AR: variants seen among roughly 807,000 people sequenced by gnomAD.
AR encodes the protein androgen receptor.
AR carries 8 observed loss-of-function variants against 53.9 expected under a neutral mutation model. That is an observed-to-expected ratio of 0.15 (90% CI 0.09 to 0.27). The LOEUF (loss-of-function observed/expected upper bound fraction) is 0.27, where lower values mean the gene tolerates loss of function less well. Among genes scored for constraint, AR ranks in the 10% least tolerant of loss-of-function variants. The probability of loss-of-function intolerance (pLI) is 1.00; values close to 1 mark genes in which losing one functional copy is unlikely to be tolerated. For synonymous variants in AR, 359 were observed against 316.4 expected, an observed-to-expected ratio of 1.13 and a Z score of -1.43; for missense variants, 639 against 742.5, an observed-to-expected ratio of 0.86 and a Z score of 1.62.
At chrX:67,637,655 C>A (rs1487860425) in intron 1 of AR, among the ~76,000 whole-genome samples, 1 of 110,076 alleles carries the variant, frequency 9.1e-6, no homozygotes, top group Non-Finnish European at 1.9e-5. Context: ...CATGACAACA[C>A]CATATTGTTA....
At chrX:67,606,640 A>G (rs1923637503) in intron 1 of AR, among the ~76,000 whole-genome samples, 1 of 112,615 alleles carries the variant, frequency 8.9e-6, no homozygotes, top group Admixed American at 9.4e-5. Context: ...TTCACCAAGT[A>G]CTTCTTACGT....
chrX:67,632,044 C>A (rs1975063849), intron 1 of AR, among the ~76,000 whole-genome samples: 1 of 112,772 alleles, frequency 8.9e-6, no homozygotes, highest in South Asian at 3.6e-4. Flanking sequence ...CTCTTCAAAG[C>A]TGTCCAACAG....
At position 67,727,090 on chromosome X, in the gene AR, C is replaced by G. The variant is rs1216582933; in HGVS notation, c.*3249C>G. 1 of 172,421 alleles carries G rather than the reference C, an allele frequency of 5.8e-6. No homozygotes were observed. Among genetic ancestry groups the G allele is most frequent in the Non-Finnish European group, 1.1e-5 (1 of 89,938 alleles). The allele number at this position is 172,421 out of a possible 1,213,427, so 14.2% of individuals were successfully genotyped here. A position where few individuals can be genotyped will look rare whatever the true frequency, so the allele number is the denominator to read the frequency against. On this transcript the variant is annotated 3_prime_UTR_variant, in exon 8 of 8. Coordinates refer to ENST00000374690, the MANE Select transcript of AR (RefSeq NM_000044.6). ...AAAGAGTCGTGTGGCAGTTTCAGCT[C>G]TCGTTCATTGGGCAGCTCGCCTAGG... is the stretch of plus-strand genomic sequence containing the variant.
intron 1 of AR, among the ~76,000 whole-genome samples, chrX:67,585,327 C>T (rs1193290223): frequency 1.8e-5 from 2 of 109,828 alleles, no homozygotes; most frequent in Non-Finnish European, 3.8e-5. Context: ...TATTCTTTAT[C>T]ATTCAGTATC....
At chrX:67,700,952 C>A (rs765603560) in intron 3 of AR, among the ~76,000 whole-genome samples, 4 of 111,565 alleles carry the variant, frequency 3.6e-5, no homozygotes, top group Non-Finnish European at 7.5e-5. Context: ...GTGTGTAATT[C>A]ATTTGGATTT....
At chrX:67,618,906 A>G (rs1476837937) in intron 1 of AR, among the ~76,000 whole-genome samples, 1 of 111,419 alleles carries the variant, frequency 9.0e-6, no homozygotes, top group Non-Finnish European at 1.9e-5. Context: ...CACATGGAAA[A>G]GATTGTGAAG....
intron 2 of AR, among the ~76,000 whole-genome samples, chrX:67,682,693 A>G (rs1193146603): frequency 9.0e-6 from 1 of 111,662 alleles, no homozygotes; most frequent in Non-Finnish European, 1.9e-5. Flanking sequence ...GAAATTGAAT[A>G]AATAATAGGA....
intron 1 of AR, among the ~76,000 whole-genome samples, chrX:67,630,848 C>A (rs1323257039): frequency 1.5e-4 from 16 of 109,628 alleles, no homozygotes; most frequent in Non-Finnish European, 2.7e-4. Flanking sequence ...GTGACAAAAT[C>A]TCTCGGCATT....
chrX:67,653,599 G>A (rs1277002849), intron 2 of AR, among the ~76,000 whole-genome samples: 7 of 111,476 alleles, frequency 6.3e-5, no homozygotes, highest in Non-Finnish European at 1.3e-4. Flanking sequence ...GGTTATTGTG[G>A]GGAATCTCAT....
chrX:67,717,142 A>G (rs190146971), intron 4 of AR, among the ~76,000 whole-genome samples: 1 of 112,152 alleles, frequency 8.9e-6, no homozygotes, highest in East Asian at 2.9e-4. Context: ...TAATTTTTTT[A>G]AAAAAGAGCA....
chrX:67,613,053 G>A (rs968373718), intron 1 of AR, among the ~76,000 whole-genome samples: 2 of 112,220 alleles, frequency 1.8e-5, no homozygotes, highest in Non-Finnish European at 3.8e-5. Context: ...TGAGGGCTTT[G>A]CCCCAGGGAT....
At chrX:67,565,991 C>T (rs1468727377) in intron 1 of AR, among the ~76,000 whole-genome samples, 1 of 111,903 alleles carries the variant, frequency 8.9e-6, no homozygotes, top group Non-Finnish European at 1.9e-5. Flanking sequence ...CTGCTCCCAG[C>T]CCCAGACCAT....
At chrX:67,548,499 C>A (rs1396827180) in intron 1 of AR, among the ~76,000 whole-genome samples, 1 of 110,903 alleles carries the variant, frequency 9.0e-6, no homozygotes, top group Admixed American at 9.6e-5. Flanking sequence ...TGGAGCCCCT[C>A]TTCTACTGTA....
At chrX:67,611,802 G>T in intron 1 of AR, among the ~76,000 whole-genome samples, 2 of 111,763 alleles carry the variant, frequency 1.8e-5, no homozygotes, top group Non-Finnish European at 3.8e-5. Flanking sequence ...AGAAAGAAAA[G>T]AGTCTAAAGG....
chrX:67,708,350 C>CT (rs1014841375), intron 3 of AR, among the ~76,000 whole-genome samples: 6 of 111,385 alleles, frequency 5.4e-5, no homozygotes, highest in African/African-American at 1.3e-4. Context: ...TCTTTTTACT[C>CT]TTTTTTTCTC....
Position 67,545,206 on chromosome X carries a change from A to G in AR, c.60A>G (p.Arg20=). The change falls in exon 1 of 8, where the codon CGA becomes CGG. Residue 20 remains arginine, a synonymous_variant. Transcript: ENST00000374690. ...VYPRPPSKTY[R]GAFQNLFQSV... ...CTCGGCCGCCGTCCAAGACCTACCGAGGAGCTTTCCAGAATCTGTTCCAGA... is the reference window on the plus strand; with the variant it reads ...CTCGGCCGCCGTCCAAGACCTACCGGGGAGCTTTCCAGAATCTGTTCCAGA... 1 of 1,209,061 alleles carries G rather than the reference A, an allele frequency of 8.3e-7. No homozygotes were observed. The highest frequency in any genetic ancestry group is 1.1e-6 in the Non-Finnish European group (1 of 894,811).
chrX:67,697,069 T>C (rs953513089), intron 3 of AR, among the ~76,000 whole-genome samples: 17 of 111,821 alleles, frequency 1.5e-4, no homozygotes, highest in African/African-American at 4.6e-4. Context: ...CAAACAAAAT[T>C]TGATGCAGAG....
intron 2 of AR, among the ~76,000 whole-genome samples, chrX:67,646,333 G>A (rs1926057461): frequency 9.0e-6 from 1 of 110,979 alleles, no homozygotes; most frequent in Admixed American, 9.6e-5. Context: ...GAATTGGGGT[G>A]AGGGTGAGGC....
chrX:67,645,052 G>T (rs765229152), intron 2 of AR, among the ~76,000 whole-genome samples: 60 of 111,158 alleles, frequency 5.4e-4, no homozygotes, highest in African/African-American at 1.8e-3. Flanking sequence ...AGCGGGCCCT[G>T]TCTATAGAGC....
Sources: allele counts gnomAD v4.1 joint callset (sites outside exome capture counted in the v4.1 genomes callset), GRCh38; gene constraint gnomAD v4.1.1; transcripts MANE v1.5; gene names NCBI Gene and HGNC (gene_info 2026-07-23, HGNC 2026-07-21).